LILRB4: variants seen among roughly 807,000 people sequenced by gnomAD.
LILRB4 encodes the protein leukocyte immunoglobulin like receptor B4.
A neutral mutation model predicts 55.2 loss-of-function variants in LILRB4; 49 were observed. The observed-to-expected ratio is 0.89, with a 90% CI of 0.71 to 1.13. LILRB4 has a LOEUF of 1.13. LILRB4 is among the 50% of genes most tolerant of loss of function. The pLI is 0.00. For missense variants in LILRB4, 590 were observed against 555.2 expected (o/e 1.06, Z -0.63); for synonymous variants, 229 against 213.8 (o/e 1.07, Z -0.62).
rs769025755 is a variant in LILRB4 at position 54,666,311 on chromosome 19, A to T, written c.946A>T (p.Arg316Trp). 6.2e-7 allele frequency: 1 copy of T among 1,609,900 alleles called. No homozygotes were observed. The highest frequency in any genetic ancestry group is 8.5e-7 in the Non-Finnish European group (1 of 1,177,790). ...AGAGCCCAAGGACGGGGGCCTACAG[A>T]GGAGGTAATTCTGCCCAAAGACCTC... The change falls in exon 8 of 12, where the codon AGG (arginine) becomes TGG (tryptophan). Residue 316 changes from arginine to tryptophan, a missense_variant. Coordinates refer to ENST00000430952, the Ensembl canonical transcript of LILRB4. This position sits in a 1 kb window ranked among gnomAD's most constrained non-coding sequence, Gnocchi z 4.8.
At position 54,665,883 on chromosome 19, in the gene LILRB4, C is replaced by T; in HGVS notation, c.826C>T (p.Leu276Phe). Residue 276 changes from leucine to phenylalanine, a missense_variant, in exon 7 of 12, where the codon CTC (leucine) becomes TTC (phenylalanine). Leu to Phe is a conservative substitution (Grantham distance 22). Coordinates refer to ENST00000430952, the Ensembl canonical transcript of LILRB4. This position sits in a 1 kb window ranked among gnomAD's most constrained non-coding sequence, Gnocchi z 5.5. ...CTCCATCCTGCTTCTCTCCCTCCTC[C>T]TCTTCCTCCTCCTCCAACACTGGCG... 2 of 1,613,868 alleles carry T rather than the reference C, an allele frequency of 1.2e-6. No homozygotes were observed. Among genetic ancestry groups the T allele is most frequent in the East Asian group, 2.2e-5 (1 of 44,856 alleles).
Position 54,666,482 on chromosome 19 carries a change from C to G in LILRB4, c.988+46C>G. On this transcript the variant is annotated intron_variant, in intron 9 of 11. Coordinates refer to ENST00000430952, the Ensembl canonical transcript of LILRB4. This position sits in a 1 kb window ranked among gnomAD's most constrained non-coding sequence, Gnocchi z 4.8. ...GTGCACCTGGGGTGGAGCTGGGGGT[C>G]CCAAAATTTCAATAGCAATGGGGGC... The G allele has an allele frequency of 6.2e-7, 1 of 1,604,528 alleles. No individual in the cohort carries two copies. The highest frequency in any genetic ancestry group is 8.5e-7 in the Non-Finnish European group (1 of 1,173,206).
Position 54,664,166 on chromosome 19 carries a change from G to A in LILRB4, c.356-20G>A, listed in dbSNP as rs773829962. On this transcript the variant is annotated intron_variant, in intron 3 of 11. Transcript: ENST00000430952. ...GGGAGGTGGGAGCCCCATTTAACAC[G>A]GTGCCTCCTTCTCTCCTAGGAGCCT... is the stretch of plus-strand genomic sequence containing the variant. The A allele has an allele frequency of 7.5e-6, 12 of 1,603,548 alleles. No individual in the cohort carries two copies. Among genetic ancestry groups the A allele is most frequent in the South Asian group, 5.6e-5 (5 of 89,656 alleles).
intron 10 of LILRB4, chr19:54,667,219 G>A (rs568187471): frequency 1.8e-6 from 1 of 563,640 alleles, no homozygotes; most frequent in Non-Finnish European, 3.5e-6. Flanking sequence ...GCAACGTGCT[G>A]TAAGGAACAT....
Position 54,665,767 on chromosome 19 carries a change from G to T in LILRB4, c.758-48G>T, listed in dbSNP as rs1382353074. The T allele has an allele frequency of 1.3e-6, 2 of 1,559,746 alleles. No individual in the cohort carries two copies. The highest frequency in any genetic ancestry group is 2.4e-5 in the South Asian group (2 of 85,016). On this transcript the variant is annotated intron_variant, in intron 6 of 11. Coordinates refer to ENST00000430952, the Ensembl canonical transcript of LILRB4. The surrounding 1 kb of genome is among the most constrained non-coding windows in gnomAD (Gnocchi z 5.5). ...CACAGTAGGTGCACACACAGTAGGT[G>T]TGCACATCAATGACATCATCCCCAT... is the stretch of plus-strand genomic sequence containing the variant.
rs1363717696 is a variant in LILRB4 at position 54,663,097 on chromosome 19, C to T, written c.34+30C>T. 8 of 1,597,098 alleles carry T rather than the reference C, an allele frequency of 5.0e-6. No individual in the cohort carries two copies. In the Admixed American group the frequency reaches 5.2e-5, roughly 10 times the overall value. On this transcript the variant is annotated intron_variant, in intron 1 of 11. Transcript: ENST00000430952. Reference sequence around the variant, plus strand: ...GATTTAAAGAGGGGGAGGGGAGACCCGAGTCTTGGAGGAAATTTGCCTCAC... The same window carrying T: ...GATTTAAAGAGGGGGAGGGGAGACCTGAGTCTTGGAGGAAATTTGCCTCAC...
rs1200029609 is a variant in LILRB4 at position 54,666,552 on chromosome 19, C to G, written c.988+116C>G. On this transcript the variant is annotated intron_variant, in intron 9 of 11. Transcript: ENST00000430952. This position sits in a 1 kb window ranked among gnomAD's most constrained non-coding sequence, Gnocchi z 4.8. ...GGTCAGGGACTCAGGGAGAAGTGGTCTGAACCCACATTGTGGGACCTCGGG... is the reference window on the plus strand; with the variant it reads ...GGTCAGGGACTCAGGGAGAAGTGGTGTGAACCCACATTGTGGGACCTCGGG... The G allele has an allele frequency of 2.7e-6, 4 of 1,455,354 alleles. No homozygotes were observed. The highest frequency in any genetic ancestry group is 2.3e-5 in the East Asian group (1 of 44,060). The allele number at this position is 1,455,354 out of a possible 1,614,324, so 90.2% of individuals were successfully genotyped here.
rs375626444 is a variant in LILRB4, at chr19:54,667,865, C to T, written c.1198-8C>T. The T allele has an allele frequency of 4.3e-5, 70 of 1,612,116 alleles. No individual in the cohort carries two copies. The highest frequency in any genetic ancestry group is 2.0e-4 in the South Asian group (18 of 90,946). Reference sequence around the variant, plus strand: ...ACGTTCCTTCCCTCTCACTCTCCCCCGCTGCAGGCTGCTGCATCTGAAGCC... The same window carrying T: ...ACGTTCCTTCCCTCTCACTCTCCCCTGCTGCAGGCTGCTGCATCTGAAGCC... On this transcript the variant is annotated splice_region_variant and splice_polypyrimidine_tract_variant and intron_variant, in intron 11 of 11. Transcript: ENST00000430952.
intron 1 of LILRB4, among the ~76,000 whole-genome samples, 193 bp downstream of exon 1, chr19:54,663,260 C>A (rs2065087161): frequency 6.6e-6 from 1 of 151,830 alleles, no homozygotes; most frequent in Non-Finnish European, 1.5e-5. Context: ...TCCTGGCTAA[C>A]ACGGTGAAAC....
In LILRB4 at chr19:54,664,665, G is replaced by A. The variant is rs3745872; in HGVS notation, c.656-134G>A. The A allele has an allele frequency of 1.3e-5, 13 of 969,848 alleles. No individual in the cohort carries two copies. In the East Asian group the frequency reaches 3.1e-4, roughly 23 times the overall value. 60.1% of individuals were successfully genotyped at this position (969,848 alleles called of 1,614,324 possible). A position where few individuals can be genotyped will look rare whatever the true frequency, so the allele number is the denominator to read the frequency against. On this transcript the variant is annotated intron_variant, in intron 4 of 11. Transcript: ENST00000430952. Reference sequence around the variant, plus strand: ...GCCCATGCTCTTCTCCCTCACCTAGGGTCCAGAAGGTGCCAGGTGGACAGA... The same window carrying A: ...GCCCATGCTCTTCTCCCTCACCTAGAGTCCAGAAGGTGCCAGGTGGACAGA...
At position 54,666,193 on chromosome 19, in the gene LILRB4, G is replaced by T. The variant is rs372279032; in HGVS notation, c.875-47G>T. On this transcript the variant is annotated intron_variant, in intron 7 of 11. Transcript: ENST00000430952. The surrounding 1 kb of genome is among the most constrained non-coding windows in gnomAD (Gnocchi z 4.8). ...CTCTTGACTTGCATGTGCAAGGCAG[G>T]TGGTTCTAACGTTCCCAGAGCTGAG... 28 of 1,512,822 alleles carry T rather than the reference G, an allele frequency of 1.9e-5. No individual in the cohort carries two copies. In the East Asian group the frequency reaches 3.6e-4, roughly 20 times the overall value. The allele number at this position is 1,512,822 out of a possible 1,614,324, so 93.7% of individuals were successfully genotyped here.
In LILRB4 at chr19:54,663,732, C is replaced by G. The variant is rs775912393; in HGVS notation, c.71-22C>G. 7 of 1,613,022 alleles carry G rather than the reference C, an allele frequency of 4.3e-6. 1 individual carries two copies. The Admixed American group carries it at 6.7e-5, about 15-fold the overall frequency. On this transcript the variant is annotated intron_variant, in intron 2 of 11. Coordinates refer to ENST00000430952, the Ensembl canonical transcript of LILRB4. ...TGAGGGCTGAGGAAGGTCTTGGGAT[C>G]CAGCCTCTGATTTTCTTCCAGGGCC...
At position 54,666,333 on chromosome 19, in the gene LILRB4, C is replaced by A; in HGVS notation, c.950+18C>A. 6.2e-7 allele frequency: 1 copy of A among 1,609,494 alleles called. No individual in the cohort carries two copies. Among genetic ancestry groups the A allele is most frequent in the Non-Finnish European group, 8.5e-7 (1 of 1,177,564 alleles). ...CAGAGGAGGTAATTCTGCCCAAAGA[C>A]CTCAGACTCCCACCCATCCCAACAG... On this transcript the variant is annotated intron_variant, in intron 8 of 11. Coordinates refer to ENST00000430952, the Ensembl canonical transcript of LILRB4. The surrounding 1 kb of genome is among the most constrained non-coding windows in gnomAD (Gnocchi z 4.8).
chr19:54,664,826 C>T (rs1276750709), exon 5 of LILRB4: 2 of 1,608,860 alleles, frequency 1.2e-6, no homozygotes, highest in Non-Finnish European at 1.7e-6. Context: ...AGGCCCTCAC[C>T]CACAAGGTCC....
rs576859458 is a variant in LILRB4 at position 54,667,062 on chromosome 19, C to G, written c.1041+313C>G. The G allele has an allele frequency of 8.2e-4, 525 of 640,692 alleles. 8 individuals carry two copies. Among genetic ancestry groups the G allele is most frequent in the South Asian group, 7.8e-3 (510 of 65,612 alleles). The allele number at this position is 640,692 out of a possible 1,614,324, so 39.7% of individuals were successfully genotyped here. On this transcript the variant is annotated intron_variant, in intron 10 of 11. Transcript: ENST00000430952. ...TCCCCTGGGCTCCCCTTCATTCATT[C>G]ATCTAGTGAGTGTTCCCAGGGAGCT... is the stretch of plus-strand genomic sequence containing the variant.
At chr19:54,664,126 C>G (rs576018536) in intron 3 of LILRB4, 60 bp from the exon 4 acceptor site, 2 of 1,593,382 alleles carry the variant, frequency 1.3e-6, no homozygotes, top group Non-Finnish European at 1.7e-6. Context: ...CACAGCCCAG[C>G]CCTGGGGATG....
Position 54,665,835 on chromosome 19 carries a change from G to A in LILRB4, c.778G>A (p.Val260Ile). 6.2e-7 allele frequency: 1 copy of A among 1,611,104 alleles called. No homozygotes were observed. The highest frequency in any genetic ancestry group is 8.5e-7 in the Non-Finnish European group (1 of 1,178,730). Residue 260 changes from valine (V) to isoleucine (I), a missense_variant, in exon 7 of 12, where the codon GTA becomes ATA. Val to Ile is a conservative substitution (Grantham distance 29, BLOSUM62 3). Transcript: ENST00000430952. This position sits in a 1 kb window ranked among gnomAD's most constrained non-coding sequence, Gnocchi z 5.5. ...CCAAGGTCTGAGAAGGCACTGGGAGGTACTGATCGGGGTCTTGGTGGTCTC... is the reference window on the plus strand; with the variant it reads ...CCAAGGTCTGAGAAGGCACTGGGAGATACTGATCGGGGTCTTGGTGGTCTC...
At chr19:54,667,837 A>G (rs771345083) in intron 11 of LILRB4, 36 bp from the exon 12 acceptor site, 20 of 1,225,594 alleles carry the variant, frequency 1.6e-5, no homozygotes, top group Non-Finnish European at 2.1e-5. Flanking sequence ...CCCCACCCCC[A>G]CCACGTTCCT....
chr19:54,664,800 A>T, exon 5 of LILRB4: 1 of 1,586,740 alleles, frequency 6.3e-7, no homozygotes, highest in African/African-American at 1.3e-5. Flanking sequence ...TCTACCCAGG[A>T]TCCTTGGAGG....
Sources: allele counts gnomAD v4.1 joint callset (sites outside exome capture counted in the v4.1 genomes callset), GRCh38; gene constraint gnomAD v4.1.1; non-coding constraint Gnocchi (gnomAD v3.1); transcripts MANE v1.5; gene names NCBI Gene and HGNC (gene_info 2026-07-23, HGNC 2026-07-21).